Variants in NELL1 observed in about 807,000 individuals in gnomAD.
NELL1 encodes protein kinase C-binding protein NELL1.
A neutral mutation model predicts 107.4 loss-of-function variants in NELL1; 76 were observed. The ratio of observed to expected loss-of-function variants is 0.71; its 90% CI spans 0.59 to 0.86. The LOEUF is 0.86. Ranked by LOEUF, NELL1 falls within the 40% of genes least tolerant of loss-of-function variation. The pLI, the probability that NELL1 is intolerant of heterozygous loss-of-function variation, is 0.00. For synonymous variants in NELL1, 353 were observed against 341.2 expected (o/e 1.03, Z -0.38); for missense variants, 1,024 against 1,005.5 (o/e 1.02, Z -0.25).
Position 20,919,310 on chromosome 11 carries a change from GC to G in NELL1, c.736del (p.Leu246PhefsTer5). 1 of 1,605,490 alleles carries G rather than the reference GC, an allele frequency of 6.2e-7. No homozygotes were observed. On this transcript the variant is annotated frameshift_variant, in exon 7 of 20. Coordinates refer to ENST00000357134, the MANE Select transcript of NELL1 (RefSeq NM_006157.5). LOFTEE classifies it high-confidence loss of function. ...TGCAAGGAATAATGGATTTACAAGA[GC>G]TTTTGGCCAAGATGACTGCAAAAGT... ...LVQGIMDLQE[L>X]LAKMTAKLNY... is the part of the protein sequence containing the mutation.
intron 12 of NELL1, among the ~76,000 whole-genome samples, chr11:21,010,109 T>C (rs1852414494): frequency 6.6e-6 from 1 of 152,006 alleles, no homozygotes; most frequent in South Asian, 2.1e-4. Context: ...ATTTTTCTCT[T>C]AGTAGAGCAT....
chr11:20,690,378 G>A (rs1297167285), intron 2 of NELL1, among the ~76,000 whole-genome samples: 3 of 152,136 alleles, frequency 2.0e-5, no homozygotes, highest in Non-Finnish European at 4.4e-5. Flanking sequence ...CCTGAATGGT[G>A]ATGCCTGGGT....
intron 3 of NELL1, among the ~76,000 whole-genome samples, chr11:20,821,631 T>G (rs1326934053): frequency 6.6e-6 from 1 of 152,240 alleles, no homozygotes; most frequent in Non-Finnish European, 1.5e-5. Context: ...TGAAGTTAGA[T>G]CTCCACTTGG....
chr11:21,394,856 T>G (rs938094299), intron 15 of NELL1, among the ~76,000 whole-genome samples: 7 of 151,516 alleles, frequency 4.6e-5, no homozygotes, highest in Non-Finnish European at 7.4e-5. Context: ...GGATATACAT[T>G]GAAAATCTTT....
At chr11:20,921,603 A>C (rs1850377491) in intron 7 of NELL1, among the ~76,000 whole-genome samples, 3 of 152,104 alleles carry the variant, frequency 2.0e-5, no homozygotes, top group Admixed American at 2.0e-4. Context: ...CACTGGCAGG[A>C]GGATGGAGAT....
At chr11:21,191,111 A>G (rs1857040009) in intron 13 of NELL1, among the ~76,000 whole-genome samples, 1 of 151,794 alleles carries the variant, frequency 6.6e-6, no homozygotes, top group Non-Finnish European at 1.5e-5. Context: ...TCCTTTCCAT[A>G]TATGAATCCC....
chr11:21,209,331 TTA>T (rs10588528), intron 13 of NELL1, among the ~76,000 whole-genome samples: 116,073 of 145,078 alleles, frequency 0.8, 48,391 homozygotes, highest in East Asian at 0.95. Flanking sequence ...TATGTATATA[TTA>T]TATATATATA....
chr11:20,893,257 G>C (rs1454094373), intron 5 of NELL1, among the ~76,000 whole-genome samples: 1 of 151,872 alleles, frequency 6.6e-6, no homozygotes, highest in African/African-American at 2.4e-5. Flanking sequence ...AGGGCCTGTT[G>C]GGGGGTGAGG....
intron 2 of NELL1, among the ~76,000 whole-genome samples, chr11:20,741,036 G>A (rs1855878423): frequency 1.3e-5 from 2 of 152,216 alleles, no homozygotes; most frequent in South Asian, 2.1e-4. Context: ...GAACTGACAT[G>A]TTTTCTGGTT....
intron 15 of NELL1, among the ~76,000 whole-genome samples, chr11:21,528,480 C>G (rs573933192): frequency 3.5e-4 from 52 of 148,316 alleles, no homozygotes; most frequent in Non-Finnish European, 7.0e-4. Context: ...CTTGTTTCCT[C>G]TCTTGCCATG....
chr11:21,361,086 C>CT (rs1463706726), intron 14 of NELL1, among the ~76,000 whole-genome samples: 5 of 151,856 alleles, frequency 3.3e-5, no homozygotes, highest in African/African-American at 9.7e-5. Context: ...TAAGGAGTTT[C>CT]TTTTTTTGTA....
chr11:21,109,745 A>G (rs1419834923), intron 12 of NELL1, among the ~76,000 whole-genome samples: 3 of 152,184 alleles, frequency 2.0e-5, no homozygotes, highest in East Asian at 1.9e-4. Context: ...AGACTCATCT[A>G]TAAAATTTAT....
intron 15 of NELL1, among the ~76,000 whole-genome samples, chr11:21,490,439 T>A: frequency 7.7e-6 from 1 of 129,450 alleles, no homozygotes. Context: ...AAAAATCAAT[T>A]CTAAAATGTG....
At chr11:20,683,359 A>G (rs532258367) in intron 2 of NELL1, among the ~76,000 whole-genome samples, 4 of 152,002 alleles carry the variant, frequency 2.6e-5, no homozygotes, top group Non-Finnish European at 1.5e-5. Flanking sequence ...CAGATTTGTT[A>G]TATGGGTAAA....
chr11:21,037,842 C>T (rs141362859), intron 12 of NELL1, among the ~76,000 whole-genome samples: 359 of 152,198 alleles, frequency 2.4e-3, no homozygotes, highest in Middle Eastern at 3.4e-3. Flanking sequence ...TTTTGTAATA[C>T]GCAGTTTTCA....
At chr11:21,334,130 A>C (rs1046032042) in intron 14 of NELL1, among the ~76,000 whole-genome samples, 1 of 152,046 alleles carries the variant, frequency 6.6e-6, no homozygotes, top group African/African-American at 2.4e-5. Context: ...AAACCATAGA[A>C]CTTATTCCTA....
intron 14 of NELL1, among the ~76,000 whole-genome samples, chr11:21,352,194 T>C (rs1275702356): frequency 1.3e-5 from 2 of 152,168 alleles, no homozygotes; most frequent in African/African-American, 4.8e-5. Context: ...TAGTAACCCC[T>C]CTACCAATAT....
chr11:21,009,880 C>CA (rs1309997504), intron 12 of NELL1, among the ~76,000 whole-genome samples: 1 of 152,010 alleles, frequency 6.6e-6, no homozygotes, highest in East Asian at 1.9e-4. Context: ...TACATCACAA[C>CA]AACATGCAAA....
At chr11:21,151,114 T>A (rs1856105572) in intron 13 of NELL1, among the ~76,000 whole-genome samples, 1 of 152,134 alleles carries the variant, frequency 6.6e-6, no homozygotes, top group South Asian at 2.1e-4. Flanking sequence ...TAATTTGATG[T>A]GAGATTTGGG....
Sources: allele counts gnomAD v4.1 joint callset (sites outside exome capture counted in the v4.1 genomes callset), GRCh38; gene constraint gnomAD v4.1.1; transcripts MANE v1.5; gene names NCBI Gene and HGNC (gene_info 2026-07-23, HGNC 2026-07-21).